CCDC50: variants seen among roughly 807,000 people sequenced by gnomAD.
CCDC50 encodes coiled-coil domain containing 50.
In CCDC50, 54 loss-of-function variants were observed where a neutral mutation model predicts 70.2. That is an observed-to-expected ratio of 0.77 (90% CI 0.62 to 0.96). CCDC50 has a LOEUF of 0.96. Ranked by LOEUF, CCDC50 falls within the 50% of genes least tolerant of loss-of-function variation. The pLI, the probability that CCDC50 is intolerant of heterozygous loss-of-function variation, is 0.00. For synonymous variants in CCDC50, 216 were observed against 198.8 expected (o/e 1.09, Z -0.73); for missense variants, 558 against 578.7 (o/e 0.96, Z 0.37).
In CCDC50 at chr3:191,357,962, C is replaced by T. The variant is rs140717780; in HGVS notation, c.113-36C>T. ...GGCATTTATTACTAACAAACCAAGA[C>T]ATTATTCATTCCTGTCCTCAATCTT... is the stretch of plus-strand genomic sequence containing the variant. On this transcript the variant is annotated intron_variant, in intron 2 of 11. Coordinates refer to ENST00000392455, the MANE Select transcript of CCDC50 (RefSeq NM_178335.3). 165 of 1,613,402 alleles carry T rather than the reference C, an allele frequency of 1.0e-4. No homozygotes were observed. In the African/African-American group the frequency reaches 1.8e-3, roughly 17 times the overall value.
intron 1 of CCDC50, among the ~76,000 whole-genome samples, chr3:191,338,603 AG>A (rs1711597930): frequency 6.6e-6 from 1 of 152,170 alleles, no homozygotes; most frequent in South Asian, 2.1e-4. Flanking sequence ...TTGTTTTCCC[AG>A]CATTCTCTGG....
chr3:191,373,380 A>C (rs1175468793), intron 5 of CCDC50, among the ~76,000 whole-genome samples: 1 of 152,180 alleles, frequency 6.6e-6, no homozygotes, highest in East Asian at 1.9e-4. Flanking sequence ...ATTTCCTAAA[A>C]GTAAAACTAT....
chr3:191,336,021 T>G (rs189975227), intron 1 of CCDC50, among the ~76,000 whole-genome samples: 10 of 152,150 alleles, frequency 6.6e-5, no homozygotes, highest in Non-Finnish European at 1.3e-4. Flanking sequence ...TAGTAAGTAG[T>G]TTTTTGAGTC....
intron 10 of CCDC50, among the ~76,000 whole-genome samples, chr3:191,385,777 G>T (rs943300068): frequency 6.6e-6 from 1 of 151,966 alleles, no homozygotes; most frequent in African/African-American, 2.4e-5. Context: ...AATTTTTATA[G>T]TTTAAGGTCT....
At chr3:191,387,453 CA>C (rs1713535003) in intron 10 of CCDC50, among the ~76,000 whole-genome samples, 1 of 151,624 alleles carries the variant, frequency 6.6e-6, no homozygotes. Context: ...AACTTTAAAA[CA>C]ATTGTCTCAG....
intron 3 of CCDC50, among the ~76,000 whole-genome samples, chr3:191,359,196 GCTTCA>G (rs1288785356): frequency 6.6e-6 from 1 of 152,178 alleles, no homozygotes; most frequent in East Asian, 1.9e-4. Flanking sequence ...ACTGGGAAAA[GCTTCA>G]CAAGACGATG....
intron 4 of CCDC50, among the ~76,000 whole-genome samples, chr3:191,365,971 G>A (rs1301507892): frequency 1.3e-5 from 2 of 152,118 alleles, no homozygotes; most frequent in Admixed American, 1.3e-4. Context: ...GAGGATTTCA[G>A]ATTTCGGATT....
chr3:191,338,808 T>C lies in CCDC50; in HGVS notation c.49+9085T>C, dbSNP rs150660087. ...GTGTTGTGATTGACAACACCTGAAG[T>C]CAGAGTGGTCTCCTTTGGAGGCAAC... On this transcript the variant is annotated intron_variant, in intron 1 of 11. Coordinates refer to ENST00000392455, the MANE Select transcript of CCDC50 (RefSeq NM_178335.3). 1.2e-3 allele frequency among the ~76,000 whole-genome samples: 181 copies of C among 152,322 alleles called. 1 individual carries two copies. Among genetic ancestry groups the C allele is most frequent in the Non-Finnish European group, 2.1e-3 (145 of 68,014 alleles).
intron 7 of CCDC50, 51 bp from the exon 8 acceptor site, chr3:191,380,636 A>C (rs1350232340): frequency 1.9e-6 from 3 of 1,543,106 alleles, no homozygotes; most frequent in Non-Finnish European, 2.7e-6. Flanking sequence ...CTGAAAATGC[A>C]CAACATAGAT....
chr3:191,372,838 C>T (rs1015610728), intron 5 of CCDC50, among the ~76,000 whole-genome samples: 2 of 151,980 alleles, frequency 1.3e-5, no homozygotes, highest in African/African-American at 2.4e-5. Context: ...GACTGTGGTT[C>T]AAGTCCTGTC....
At chr3:191,339,269 A>G (rs1711628494) in intron 1 of CCDC50, among the ~76,000 whole-genome samples, 2 of 152,202 alleles carry the variant, frequency 1.3e-5, no homozygotes, top group African/African-American at 4.8e-5. Context: ...GGTCTCTTTC[A>G]GGTTCATATG....
rs756744818 is a variant in CCDC50 at position 191,375,396 on chromosome 3, G to T, written c.783G>T (p.Gln261His). Residue 261 changes from glutamine to histidine, a missense_variant, in exon 6 of 12, where the codon CAG (glutamine) becomes CAT (histidine). By Grantham distance (24) the Gln-to-His change is conservative. Transcript: ENST00000392455. ...CDDWETKINH[Q>H]TRNWEKQSRH... Reference sequence around the variant, plus strand: ...ACTGGGAGACTAAGATTAACCATCAGACTCGAAATTGGGAAAAACAGTCTC... The same window carrying T: ...ACTGGGAGACTAAGATTAACCATCATACTCGAAATTGGGAAAAACAGTCTC... The T allele has an allele frequency of 6.2e-7, 1 of 1,613,772 alleles. No homozygotes were observed. Among genetic ancestry groups the T allele is most frequent in the Non-Finnish European group, 8.5e-7 (1 of 1,179,858 alleles).
At chr3:191,379,209 C>G (rs1332092739) in intron 6 of CCDC50, among the ~76,000 whole-genome samples, 3 of 151,804 alleles carry the variant, frequency 2.0e-5, no homozygotes, top group Non-Finnish European at 2.9e-5. Context: ...CAGGGCACAC[C>G]CAGGCTACTT....
Position 191,329,534 on chromosome 3 carries a change from C to G in CCDC50, c.-141C>G, listed in dbSNP as rs1309737487. On this transcript the variant is annotated 5_prime_UTR_variant, in exon 1 of 12. Transcript: ENST00000392455. The stretch of plus-strand genomic sequence containing the variant: ...GGTCACCAGCCCCTGCCCGCCCGAC[C>G]CGCTCCGTTCTCCGGCCTGCGAGCC... 1.6e-5 allele frequency: 12 copies of G among 751,090 alleles called. No individual in the cohort carries two copies. The highest frequency in any genetic ancestry group is 2.2e-5 in the Non-Finnish European group (11 of 494,298). The allele number at this position is 751,090 out of a possible 1,614,324, so 46.5% of individuals were successfully genotyped here. A position where few individuals can be genotyped will look rare whatever the true frequency, so the allele number is the denominator to read the frequency against.
intron 1 of CCDC50, among the ~76,000 whole-genome samples, chr3:191,353,858 A>AT (rs879909140): frequency 3.3e-5 from 5 of 151,950 alleles, no homozygotes; most frequent in Non-Finnish European, 7.4e-5. Context: ...ATAATCATTG[A>AT]AAATCTTCCA....
At chr3:191,381,857 C>CAG (rs1288158625) in intron 9 of CCDC50, among the ~76,000 whole-genome samples, 3 of 152,092 alleles carry the variant, frequency 2.0e-5, no homozygotes, top group African/African-American at 7.2e-5. Context: ...TCCCACCTCA[C>CAG]AGTCTCAGTA....
Position 191,397,077 on chromosome 3 carries a change from T to A in CCDC50, c.*5317T>A, listed in dbSNP as rs1260986465. 1.3e-5 allele frequency: 2 copies of A among 152,214 alleles called. No homozygotes were observed. Among genetic ancestry groups the A allele is most frequent in the African/African-American group, 4.8e-5 (2 of 41,460 alleles). The allele number at this position is 152,214 out of a possible 1,614,324, so 9.4% of individuals were successfully genotyped here. ...AATTGTGTAACTTAATGCCCTGTTA[T>A]TCATTGCTGAGGTTCATATAAAGAA... On this transcript the variant is annotated 3_prime_UTR_variant, in exon 12 of 12. Coordinates refer to ENST00000392455, the MANE Select transcript of CCDC50 (RefSeq NM_178335.3).
intron 6 of CCDC50, among the ~76,000 whole-genome samples, 188 bp downstream of exon 6, chr3:191,375,777 A>G (rs367667805): frequency 3.3e-4 from 50 of 152,200 alleles, no homozygotes; most frequent in African/African-American, 1.1e-3. Flanking sequence ...GAAGGAAAAT[A>G]TTTGTAACTT....
chr3:191,346,556 T>G (rs755453448), intron 1 of CCDC50, among the ~76,000 whole-genome samples: 9 of 152,178 alleles, frequency 5.9e-5, no homozygotes, highest in Non-Finnish European at 1.0e-4. Context: ...TATGATATGC[T>G]ACATGGATGA....
Sources: allele counts gnomAD v4.1 joint callset (sites outside exome capture counted in the v4.1 genomes callset), GRCh38; gene constraint gnomAD v4.1.1; transcripts MANE v1.5; gene names NCBI Gene and HGNC (gene_info 2026-07-23, HGNC 2026-07-21).